Variants in AKAP19 observed in about 807,000 individuals in gnomAD.
AKAP19 encodes small A-kinase anchoring protein.
At chr2:189,952,199 T>TA in the AKAP19 span, among the ~76,000 whole-genome samples, 3 of 152,212 alleles carry the variant, frequency 2.0e-5, no homozygotes, top group African/African-American at 7.2e-5. Flanking sequence ...CCCATGCATG[T>TA]AAAAATATTA....
chr2:189,940,422 G>T, the AKAP19 span, among the ~76,000 whole-genome samples: 1 of 149,414 alleles, frequency 6.7e-6, no homozygotes, highest in Non-Finnish European at 1.5e-5. Context: ...CTCCAGCCTG[G>T]GCAACGGGGG....
the AKAP19 span, among the ~76,000 whole-genome samples, chr2:190,153,218 T>C: frequency 6.6e-6 from 1 of 152,194 alleles, no homozygotes; most frequent in East Asian, 1.9e-4. Flanking sequence ...TTCTAAGTCA[T>C]TGTTTACATA....
the AKAP19 span, among the ~76,000 whole-genome samples, chr2:189,889,406 C>T: frequency 6.6e-6 from 1 of 151,352 alleles, no homozygotes; most frequent in African/African-American, 2.4e-5. Flanking sequence ...TTTTTTGTGT[C>T]TGCCAGGTTT....
At chr2:189,896,470 C>G in the AKAP19 span, among the ~76,000 whole-genome samples, 1 of 152,064 alleles carries the variant, frequency 6.6e-6, no homozygotes. Context: ...TTCCCGCGTT[C>G]CATATGGGCC....
the AKAP19 span, among the ~76,000 whole-genome samples, chr2:190,195,462 C>T: frequency 6.6e-6 from 1 of 152,204 alleles, no homozygotes; most frequent in South Asian, 2.1e-4. Context: ...AGTTCTGTTG[C>T]TTTTGCCATT....
the AKAP19 span, among the ~76,000 whole-genome samples, chr2:190,139,555 AG>A: frequency 6.6e-6 from 1 of 152,190 alleles, no homozygotes; most frequent in Admixed American, 6.5e-5. Flanking sequence ...TCATGGCAGA[AG>A]GGGAAGCAAA....
the AKAP19 span, among the ~76,000 whole-genome samples, chr2:189,951,936 A>G: frequency 6.6e-6 from 1 of 152,200 alleles, no homozygotes; most frequent in Admixed American, 6.5e-5. Flanking sequence ...GGAATAGAAG[A>G]ACATTCTTAA....
chr2:190,062,450 T>C, the AKAP19 span: 4 of 1,613,548 alleles, frequency 2.5e-6, no homozygotes, highest in Non-Finnish European at 3.4e-6. Context: ...TTCTTGAAGA[T>C]TTAGTGTTTT....
the AKAP19 span, among the ~76,000 whole-genome samples, chr2:190,188,536 A>C: frequency 6.6e-6 from 1 of 152,244 alleles, no homozygotes; most frequent in African/African-American, 2.4e-5. Context: ...CTTAAGGCTA[A>C]TCATAGCTGC....
the AKAP19 span, chr2:190,095,698 T>C: frequency 1.3e-5 from 2 of 152,144 alleles, no homozygotes; most frequent in African/African-American, 2.4e-5. Flanking sequence ...ACATATATGG[T>C]GGGAACTCAG....
At chr2:190,081,452 T>C in the AKAP19 span, among the ~76,000 whole-genome samples, 3 of 152,254 alleles carry the variant, frequency 2.0e-5, no homozygotes, top group African/African-American at 4.8e-5. Context: ...GGGCTCATTC[T>C]TTTCCCCTGA....
At chr2:189,991,969 T>C in the AKAP19 span, among the ~76,000 whole-genome samples, 1 of 152,130 alleles carries the variant, frequency 6.6e-6, no homozygotes, top group Non-Finnish European at 1.5e-5. Context: ...TTGCCCAGTT[T>C]ATATTTTTAT....
At chr2:189,935,709 T>C in the AKAP19 span, among the ~76,000 whole-genome samples, 1 of 152,128 alleles carries the variant, frequency 6.6e-6, no homozygotes, top group Non-Finnish European at 1.5e-5. Flanking sequence ...ATCATGATTT[T>C]TGCATGAAGA....
chr2:190,181,505 T>G, the AKAP19 span: 1 of 152,216 alleles, frequency 6.6e-6, no homozygotes, highest in Non-Finnish European at 1.5e-5. Flanking sequence ...GCTCTCGTGC[T>G]CTTTGGAGCT....
the AKAP19 span, among the ~76,000 whole-genome samples, chr2:190,094,233 AG>A: frequency 1.3e-5 from 2 of 152,324 alleles, no homozygotes; most frequent in East Asian, 3.9e-4. Context: ...TCATTTTCAG[AG>A]AAATAATATT....
At chr2:190,192,978 T>G in the AKAP19 span, among the ~76,000 whole-genome samples, 2 of 152,128 alleles carry the variant, frequency 1.3e-5, no homozygotes, top group Non-Finnish European at 2.9e-5. Flanking sequence ...TCTCCTTCTC[T>G]CAATCTTTAT....
the AKAP19 span, among the ~76,000 whole-genome samples, chr2:189,900,908 C>T: frequency 1.4e-3 from 208 of 152,246 alleles, 1 homozygote; most frequent in African/African-American, 4.5e-3. Flanking sequence ...GAGAAGGCTA[C>T]GTACGCTACT....
At chr2:190,193,189 A>AT in the AKAP19 span, among the ~76,000 whole-genome samples, 180 of 151,622 alleles carry the variant, frequency 1.2e-3, no homozygotes, top group African/African-American at 3.8e-3. Context: ...TTTTATCAAA[A>AT]TTTTTTTTCT....
the AKAP19 span, among the ~76,000 whole-genome samples, chr2:190,107,648 T>C: frequency 2.0e-5 from 3 of 151,920 alleles, no homozygotes; most frequent in Non-Finnish European, 4.4e-5. Context: ...GCTGAAAGAG[T>C]GGGGTCATAC....
Sources: gnomAD v4.1 joint callset for allele counts (sites outside exome capture counted in the v4.1 genomes callset) on GRCh38, gnomAD v4.1.1 for gene constraint, MANE v1.5 for transcripts, NCBI Gene and HGNC (gene_info 2026-07-23, HGNC 2026-07-21) for gene names.